NBEA: variants seen among roughly 807,000 people sequenced by gnomAD.
The protein encoded by NBEA is lysosomal-trafficking regulator 2.
Under a neutral mutation model 343.4 loss-of-function variants are expected in NBEA, and 44 were observed. The observed-to-expected ratio is 0.13, with a 90% confidence interval of 0.10 to 0.16. NBEA has a LOEUF of 0.16. Among genes scored for constraint, NBEA ranks in the 10% least tolerant of loss-of-function variants. NBEA has a pLI of 1.00. For missense variants in NBEA, 2,555 were observed against 3,631.3 expected (o/e 0.70, Z 7.62); for synonymous variants, 1,175 against 1,238.7 (o/e 0.95, Z 1.08).
intron 33 of NBEA, among the ~76,000 whole-genome samples, chr13:35,230,524 A>G (rs2074909878): frequency 6.6e-6 from 1 of 152,144 alleles, no homozygotes; most frequent in Admixed American, 6.6e-5. Context: ...AAACTATTAT[A>G]TCTAGATTTT....
chr13:35,027,851 G>T (rs189007169), intron 1 of NBEA, among the ~76,000 whole-genome samples: 1 of 151,980 alleles, frequency 6.6e-6, no homozygotes, highest in African/African-American at 2.4e-5. Context: ...TTTTATAAAA[G>T]ATATGAAATA....
intron 38 of NBEA, among the ~76,000 whole-genome samples, chr13:35,367,576 G>A (rs2041194304): frequency 6.7e-6 from 1 of 148,920 alleles, no homozygotes; most frequent in Admixed American, 6.7e-5. Flanking sequence ...TCCAACTGGT[G>A]TTCTTTTCTA....
chr13:34,948,298 G>A (rs1290197677), intron 1 of NBEA, among the ~76,000 whole-genome samples: 1 of 152,130 alleles, frequency 6.6e-6, no homozygotes, highest in African/African-American at 2.4e-5. Context: ...TGTGGTGATT[G>A]GTTCAGGGAC....
intron 34 of NBEA, chr13:35,251,763 T>A (rs2031992237): frequency 4.9e-6 from 1 of 203,010 alleles, no homozygotes; most frequent in South Asian, 8.7e-5. Context: ...ACCAAGAGCG[T>A]TGCTTACCAG....
chr13:35,189,006 A>G (rs1593670684), intron 30 of NBEA, among the ~76,000 whole-genome samples: 1 of 138,486 alleles, frequency 7.2e-6, no homozygotes, highest in Non-Finnish European at 1.5e-5. Flanking sequence ...TGCAACCTCC[A>G]CCTCCCGGGT....
chr13:35,486,859 A>T (rs913695415), intron 41 of NBEA, among the ~76,000 whole-genome samples: 6 of 152,042 alleles, frequency 3.9e-5, no homozygotes, highest in Non-Finnish European at 7.4e-5. Flanking sequence ...TTTAGGAAAG[A>T]TATGTACTGT....
intron 40 of NBEA, among the ~76,000 whole-genome samples, chr13:35,464,104 A>G (rs192351946): frequency 4.1e-4 from 62 of 152,284 alleles, no homozygotes; most frequent in African/African-American, 1.3e-3. Flanking sequence ...GAACAAATAT[A>G]TAGGTGAACT....
intron 1 of NBEA, among the ~76,000 whole-genome samples, chr13:34,962,506 C>T (rs1320650008): frequency 6.6e-6 from 1 of 152,146 alleles, no homozygotes; most frequent in South Asian, 2.1e-4. Context: ...ATTTAAAATA[C>T]ATTTTATTGT....
chr13:35,572,505 C>T (rs2080485011), intron 45 of NBEA, among the ~76,000 whole-genome samples: 1 of 152,160 alleles, frequency 6.6e-6, no homozygotes, highest in Admixed American at 6.5e-5. Flanking sequence ...TAAGCATAAC[C>T]ATTTTCCCAA....
At chr13:35,004,203 A>G (rs1436734864) in intron 1 of NBEA, among the ~76,000 whole-genome samples, 1 of 152,052 alleles carries the variant, frequency 6.6e-6, no homozygotes, top group East Asian at 1.9e-4. Context: ...GGTTGATTCC[A>G]TGTCTTTGCT....
At position 35,277,732 on chromosome 13, in the gene NBEA, AAAAG is replaced by A. The variant is rs529052529; in HGVS notation, c.5777-12653_5777-12650del. On this transcript the variant is annotated intron_variant, in intron 34 of 58. Coordinates refer to ENST00000379939, the MANE Select transcript of NBEA (RefSeq NM_001385012.1). ...CCAAATACACATATTCTAAAGGAAA[AAAAG>A]AAACCTAGATTCTAGTCATTCTTGA... 5.0e-3 allele frequency among the ~76,000 whole-genome samples: 758 copies of A among 152,128 alleles called. 4 individuals carry two copies. Among genetic ancestry groups the A allele is most frequent in the Non-Finnish European group, 9.1e-3 (619 of 67,992 alleles).
chr13:35,512,979 G>C (rs2077337840), intron 41 of NBEA, among the ~76,000 whole-genome samples: 1 of 152,006 alleles, frequency 6.6e-6, no homozygotes, highest in Admixed American at 6.6e-5. Flanking sequence ...CTCAGTGTAA[G>C]GTTATTGTTG....
At chr13:35,440,247 A>G (rs1477087015) in intron 39 of NBEA, among the ~76,000 whole-genome samples, 1 of 152,176 alleles carries the variant, frequency 6.6e-6, no homozygotes, top group Non-Finnish European at 1.5e-5. Context: ...TTGGGTAACA[A>G]CATTGAAGGA....
In NBEA at chr13:35,539,915, CAAAA is replaced by C. The variant is rs71081262; in HGVS notation, c.6586-10538_6586-10535del. 6.1e-4 allele frequency among the ~76,000 whole-genome samples: 24 copies of C among 39,612 alleles called. 1 individual carries two copies. The highest frequency in any genetic ancestry group is 4.9e-3 in the South Asian group (5 of 1,020). The allele number at this position is 39,612 out of a possible 152,430, so 26.0% of individuals were successfully genotyped here. ...TGGGCGACAGAGCAAGACTCCGTCTCAAAAAAAAAAAAAAAAAAAAAAAAAAAGT... is the reference window on the plus strand; with the variant it reads ...TGGGCGACAGAGCAAGACTCCGTCTCAAAAAAAAAAAAAAAAAAAAAAAGT... On this transcript the variant is annotated intron_variant, in intron 41 of 58. Coordinates refer to ENST00000379939, the MANE Select transcript of NBEA (RefSeq NM_001385012.1).
intron 1 of NBEA, among the ~76,000 whole-genome samples, chr13:34,966,965 T>C (rs2059841469): frequency 6.6e-6 from 1 of 151,530 alleles, no homozygotes. Flanking sequence ...TTTCTTTTTT[T>C]TTTTTTTTTC....
At chr13:35,193,887 G>A (rs1440803252) in intron 30 of NBEA, among the ~76,000 whole-genome samples, 1 of 151,684 alleles carries the variant, frequency 6.6e-6, no homozygotes, top group Non-Finnish European at 1.5e-5. Context: ...ATATAACATT[G>A]CATTGTGATA....
At chr13:34,944,855 A>G (rs1208245439) in intron 1 of NBEA, among the ~76,000 whole-genome samples, 2 of 152,204 alleles carry the variant, frequency 1.3e-5, no homozygotes, top group Non-Finnish European at 2.9e-5. Flanking sequence ...GGTAAGAGGC[A>G]GTAGAGCTTT....
At chr13:35,444,474 A>G (rs1007302473) in intron 39 of NBEA, among the ~76,000 whole-genome samples, 4 of 152,042 alleles carry the variant, frequency 2.6e-5, no homozygotes, top group Admixed American at 2.6e-4. Context: ...TTATTCTACT[A>G]AAAGAGTGGT....
intron 28 of NBEA, among the ~76,000 whole-genome samples, chr13:35,180,766 C>G (rs1458000357): frequency 1.3e-5 from 2 of 151,682 alleles, no homozygotes; most frequent in Non-Finnish European, 3.0e-5. Context: ...TTTGATGCAC[C>G]CATCACCTGA....
Sources: allele counts gnomAD v4.1 joint callset (sites outside exome capture counted in the v4.1 genomes callset), GRCh38; gene constraint gnomAD v4.1.1; transcripts MANE v1.5; gene names NCBI Gene and HGNC (gene_info 2026-07-23, HGNC 2026-07-21).